FBRSL1: variants seen among roughly 807,000 people sequenced by gnomAD.
FBRSL1 encodes fibrosin-1-like protein.
A neutral mutation model predicts 89.6 loss-of-function variants in FBRSL1; 51 were observed. That is an observed-to-expected ratio of 0.57 (90% CI 0.45 to 0.72). The LOEUF (loss-of-function observed/expected upper bound fraction) is 0.72, where lower values mean the gene tolerates loss of function less well. FBRSL1 is among the 30% of genes least tolerant of loss of function. The probability of loss-of-function intolerance (pLI) is 0.00; values close to 1 mark genes in which losing one functional copy is unlikely to be tolerated. For missense variants in FBRSL1, 1,618 were observed against 1,451.8 expected, an observed-to-expected ratio of 1.11 and a Z score of -1.86; for synonymous variants, 779 against 681.1, an observed-to-expected ratio of 1.14 and a Z score of -2.24.
chr12:132,551,661 A>T, intron 5 of FBRSL1: 1 of 443,978 alleles, frequency 2.3e-6, no homozygotes, highest in South Asian at 1.6e-5. Context: ...GCCCTCCTCC[A>T]CGTGAACAGA....
intron 4 of FBRSL1, 97 bp downstream of exon 4, chr12:132,528,085 C>T (rs1345330110): frequency 7.2e-6 from 8 of 1,114,858 alleles, no homozygotes; most frequent in African/African-American, 1.6e-5. Flanking sequence ...CTTAGCTCAC[C>T]CCAGTCCCGT....
intron 11 of FBRSL1, among the ~76,000 whole-genome samples, chr12:132,573,427 A>C (rs2040176679): frequency 6.6e-6 from 1 of 152,166 alleles, no homozygotes; most frequent in Non-Finnish European, 1.5e-5. Flanking sequence ...TTGGACCCCC[A>C]GACCCCGTGG....
intron 2 of FBRSL1, among the ~76,000 whole-genome samples, chr12:132,513,694 G>A (rs1048154338): frequency 1.3e-5 from 2 of 152,226 alleles, no homozygotes; most frequent in African/African-American, 2.4e-5. Context: ...CGGCAGACGA[G>A]GGCAGTGGTT....
intron 15 of FBRSL1, among the ~76,000 whole-genome samples, chr12:132,577,668 G>A (rs888422799): frequency 5.5e-5 from 8 of 145,966 alleles, no homozygotes; most frequent in African/African-American, 7.6e-5. Context: ...GCAACACAAC[G>A]TGACCACACC....
chr12:132,516,719 C>T (rs977827723), intron 2 of FBRSL1, among the ~76,000 whole-genome samples: 3 of 152,186 alleles, frequency 2.0e-5, no homozygotes, highest in African/African-American at 4.8e-5. Flanking sequence ...GAAAAAAAGC[C>T]GCCTGTAAAT....
At position 132,490,209 on chromosome 12, in the gene FBRSL1, C is replaced by A; in HGVS notation, c.-362C>A. ...CCTCACGAGCCCGGTGCCCAGGAGC[C>A]CGGCCGCCTCCCGCCTGCCGCCTGC... On this transcript the variant is annotated 5_prime_UTR_variant, in exon 1 of 19. Transcript: ENST00000680143. 1.1e-3 allele frequency: 1 copy of A among 900 alleles called. No homozygotes were observed. The highest frequency in any genetic ancestry group is 1.3e-3 in the South Asian group (1 of 754). The allele number at this position is 900 out of a possible 1,614,324, so 0.1% of individuals were successfully genotyped here.
intron 1 of FBRSL1, among the ~76,000 whole-genome samples, chr12:132,505,759 C>T (rs904963372): frequency 6.6e-5 from 10 of 152,200 alleles, no homozygotes; most frequent in African/African-American, 1.4e-4. Flanking sequence ...ACCTGCCAGG[C>T]GAAGCCCACA....
intron 2 of FBRSL1, among the ~76,000 whole-genome samples, chr12:132,516,333 T>C (rs995611150): frequency 3.3e-5 from 5 of 152,090 alleles, no homozygotes; most frequent in Non-Finnish European, 7.4e-5. Flanking sequence ...CACAGGCAAG[T>C]GCCACCACGC....
At chr12:132,552,705 A>ATGGACGGC (rs984491939) in intron 5 of FBRSL1, 3 of 152,718 alleles carry the variant, frequency 2.0e-5, no homozygotes, top group African/African-American at 7.8e-5. Flanking sequence ...AGAAGGACGG[A>ATGGACGGC]TGGACGGCTG....
chr12:132,495,767 G>A (rs942644623), intron 1 of FBRSL1, among the ~76,000 whole-genome samples: 6 of 152,206 alleles, frequency 3.9e-5, no homozygotes, highest in South Asian at 2.1e-4. Context: ...AAGCAGCGTC[G>A]CTGGCCCCTC....
chr12:132,550,320 CG>C (rs1261926670), intron 5 of FBRSL1, among the ~76,000 whole-genome samples: 1 of 150,612 alleles, frequency 6.6e-6, no homozygotes, highest in Non-Finnish European at 1.5e-5. Flanking sequence ...CCTGGCGGGG[CG>C]GGGACGGAGA....
intron 14 of FBRSL1, 39 bp downstream of exon 14, chr12:132,574,603 C>A: frequency 6.5e-7 from 1 of 1,538,782 alleles, no homozygotes; most frequent in South Asian, 1.2e-5. Context: ...CTTGTGAACC[C>A]GACTCCAGCC....
intron 5 of FBRSL1, among the ~76,000 whole-genome samples, chr12:132,548,492 A>AG (rs767009409): frequency 6.6e-6 from 1 of 152,174 alleles, no homozygotes; most frequent in Non-Finnish European, 1.5e-5. Flanking sequence ...ACCACATCAC[A>AG]GTCACCCTCA....
intron 15 of FBRSL1, among the ~76,000 whole-genome samples, chr12:132,577,714 ACT>A (rs1177415208): frequency 1.3e-5 from 2 of 151,872 alleles, no homozygotes; most frequent in Non-Finnish European, 2.9e-5. Context: ...AGGCACGAAG[ACT>A]CTGGGGTGCT....
intron 5 of FBRSL1, chr12:132,551,692 C>T (rs1490800377): frequency 2.4e-6 from 1 of 415,338 alleles, no homozygotes; most frequent in African/African-American, 2.0e-5. Flanking sequence ...CACCTCTCCA[C>T]CACCTCCCTC....
chr12:132,570,115 C>T lies in FBRSL1; in HGVS notation c.881C>T (p.Pro294Leu), dbSNP rs3751315. 21,606 of 1,479,850 alleles carry T rather than the reference C, an allele frequency of 0.015. 547 individuals carry two copies. Among genetic ancestry groups the T allele is most frequent in the East Asian group, 0.15 (5,356 of 36,816 alleles). 91.7% of individuals were successfully genotyped at this position (1,479,850 alleles called of 1,614,324 possible). A position where few individuals can be genotyped will look rare whatever the true frequency, so the allele number is the denominator to read the frequency against. ...TTGGTGAAGAAGGAACCCCCCGCCC[C>T]GCACCGCCACACCCCGCAGCCGCCA... ...NPLVKKEPPA[P>L]HRHTPQPPPP... The change falls in exon 7 of 19, where the codon CCG (proline) becomes CTG (leucine). Residue 294 changes from proline to leucine, a missense_variant. Transcript: ENST00000680143.
chr12:132,509,074 A>G (rs1415057845), intron 2 of FBRSL1: 2 of 1,230,380 alleles, frequency 1.6e-6, no homozygotes, highest in African/African-American at 1.6e-5. Context: ...GCTGCTGGAG[A>G]AGGGCAGCAT....
In FBRSL1 at chr12:132,497,658, G is replaced by A. The variant is rs1049974685; in HGVS notation, c.291+6797G>A. 6.6e-5 allele frequency among the ~76,000 whole-genome samples: 10 copies of A among 152,272 alleles called. 1 individual carries two copies. The highest frequency in any genetic ancestry group is 1.9e-4 in the African/African-American group (8 of 41,548). ...CCCTGTCCAGATGAGCTGAGTGAGT[G>A]GCCCCAGGCTAGAATCCAGGCTCTG... On this transcript the variant is annotated intron_variant, in intron 1 of 18. Transcript: ENST00000680143.
chr12:132,502,631 G>A (rs551686261), intron 1 of FBRSL1, among the ~76,000 whole-genome samples: 17 of 152,114 alleles, frequency 1.1e-4, no homozygotes, highest in Admixed American at 6.5e-4. Context: ...CTGGAACCCT[G>A]GGATAAAACC....
Sources: gnomAD v4.1 joint callset for allele counts (sites outside exome capture counted in the v4.1 genomes callset) on GRCh38, gnomAD v4.1.1 for gene constraint, MANE v1.5 for transcripts, NCBI Gene and HGNC (gene_info 2026-07-23, HGNC 2026-07-21) for gene names.